Variants in CEP85L observed in about 807,000 individuals in gnomAD.
CEP85L encodes centrosomal protein of 85 kDa-like.
In CEP85L, 60 loss-of-function variants were observed where a neutral mutation model predicts 100.3. The observed-to-expected ratio is 0.60, with a 90% CI of 0.49 to 0.74. The LOEUF (loss-of-function observed/expected upper bound fraction) is 0.74. CEP85L is among the 30% of genes least tolerant of loss of function. CEP85L has a pLI of 0.00. For synonymous variants in CEP85L, 319 were observed against 322.7 expected (o/e 0.99, Z 0.12); for missense variants, 973 against 936.2 (o/e 1.04, Z -0.51).
chr6:118,563,621 T>G (rs1422601654), intron 3 of CEP85L, among the ~76,000 whole-genome samples: 1 of 152,128 alleles, frequency 6.6e-6, no homozygotes, highest in Admixed American at 6.5e-5. Context: ...GATTTTTATC[T>G]TTTTTCCTTT....
At chr6:118,645,122 T>C (rs927503850) in intron 1 of CEP85L, among the ~76,000 whole-genome samples, 2 of 152,234 alleles carry the variant, frequency 1.3e-5, no homozygotes, top group African/African-American at 4.8e-5. Context: ...CCAGACTCAC[T>C]GGAGTTCTTC....
chr6:118,624,855 C>CTCCAAG (rs1773681440), intron 2 of CEP85L, among the ~76,000 whole-genome samples: 1 of 152,244 alleles, frequency 6.6e-6, no homozygotes, highest in African/African-American at 2.4e-5. Flanking sequence ...CCATCTAACA[C>CTCCAAG]TCCAAGTCCA....
intron 10 of CEP85L, among the ~76,000 whole-genome samples, chr6:118,477,693 TA>T (rs1773487423): frequency 6.6e-6 from 1 of 152,132 alleles, no homozygotes; most frequent in South Asian, 2.1e-4. Flanking sequence ...AAAGAGGCAG[TA>T]ACACATGAAA....
At chr6:118,499,293 C>A (rs1260231385) in intron 5 of CEP85L, among the ~76,000 whole-genome samples, 3 of 152,300 alleles carry the variant, frequency 2.0e-5, no homozygotes, top group Admixed American at 6.5e-5. Context: ...TACTCCATCA[C>A]CAACAGGCTA....
chr6:118,540,067 T>C (rs775906346), intron 3 of CEP85L, among the ~76,000 whole-genome samples: 2 of 151,188 alleles, frequency 1.3e-5, no homozygotes, highest in Non-Finnish European at 3.0e-5. Context: ...TTTTTTTTTT[T>C]AAATCTCCAG....
intron 10 of CEP85L, among the ~76,000 whole-genome samples, chr6:118,479,469 A>T (rs767443141): frequency 6.6e-6 from 1 of 152,062 alleles, no homozygotes; most frequent in Non-Finnish European, 1.5e-5. Context: ...CTTCGTTCAG[A>T]TCCCTGTTCA....
At chr6:118,472,452 GATA>G (rs1773035304) in intron 10 of CEP85L, among the ~76,000 whole-genome samples, 2 of 152,238 alleles carry the variant, frequency 1.3e-5, no homozygotes, top group Non-Finnish European at 2.9e-5. Flanking sequence ...ATTGGTCTAG[GATA>G]ATACTAGGTA....
intron 3 of CEP85L, among the ~76,000 whole-genome samples, chr6:118,544,719 A>G (rs1014985525): frequency 8.5e-5 from 13 of 152,176 alleles, no homozygotes; most frequent in African/African-American, 3.1e-4. Flanking sequence ...TCTCCAGGTT[A>G]TCTGGCAAAT....
intron 3 of CEP85L, chr6:118,560,742 T>A (rs956019588): frequency 4.9e-5 from 8 of 162,926 alleles, no homozygotes; most frequent in African/African-American, 1.9e-4. Flanking sequence ...CAATTTCTCC[T>A]CTGACCATTT....
intron 3 of CEP85L, among the ~76,000 whole-genome samples, chr6:118,564,670 T>C (rs1210398240): frequency 3.3e-5 from 5 of 152,212 alleles, no homozygotes; most frequent in Non-Finnish European, 7.3e-5. Context: ...ATTTATTCTA[T>C]TTGTTTTTAT....
chr6:118,554,011 C>T (rs975009895), intron 3 of CEP85L, among the ~76,000 whole-genome samples: 25 of 152,088 alleles, frequency 1.6e-4, no homozygotes, highest in Non-Finnish European at 3.5e-4. Context: ...AATTGTTTAA[C>T]TTATTATTAA....
intron 1 of CEP85L, among the ~76,000 whole-genome samples, chr6:118,677,945 C>G (rs561387834): frequency 8.5e-5 from 13 of 152,314 alleles, no homozygotes; most frequent in African/African-American, 3.1e-4. Context: ...ATCTTGTCTT[C>G]AATTTTGCAC....
chr6:118,465,609 TG>T, intron 12 of CEP85L, 41 bp from the exon 13 acceptor site: 1 of 1,588,746 alleles, frequency 6.3e-7, no homozygotes, highest in Non-Finnish European at 8.6e-7. Flanking sequence ...CACATTTTTT[TG>T]AACAAAGACA....
intron 2 of CEP85L, among the ~76,000 whole-genome samples, chr6:118,599,711 G>A (rs1484641189): frequency 4.7e-5 from 7 of 150,466 alleles, no homozygotes; most frequent in South Asian, 2.1e-4. Flanking sequence ...TAATGATGTC[G>A]AATTATTATT....
intron 1 of CEP85L, among the ~76,000 whole-genome samples, chr6:118,699,170 G>A (rs1456544890): frequency 1.3e-5 from 2 of 152,082 alleles, no homozygotes; most frequent in East Asian, 1.9e-4. Context: ...AGGGCACCAT[G>A]GGCCAGGTGC....
chr6:118,686,395 C>G (rs184291196), intron 1 of CEP85L, among the ~76,000 whole-genome samples: 79 of 152,168 alleles, frequency 5.2e-4, no homozygotes, highest in African/African-American at 1.9e-3. Flanking sequence ...ACTCCCAGTC[C>G]CAGGCAATCA....
chr6:118,488,885 A>G (rs568979550), intron 6 of CEP85L, among the ~76,000 whole-genome samples: 3 of 152,234 alleles, frequency 2.0e-5, no homozygotes, highest in Non-Finnish European at 4.4e-5. Context: ...TTGCAGAGAA[A>G]GTGGGATGAT....
At chr6:118,518,689 A>C (rs1162452137) in intron 4 of CEP85L, among the ~76,000 whole-genome samples, 1 of 152,100 alleles carries the variant, frequency 6.6e-6, no homozygotes, top group Non-Finnish European at 1.5e-5. Context: ...CACCTCCTGG[A>C]TTCATTAATA....
At chr6:118,511,510 T>G in intron 4 of CEP85L, 95 bp from the exon 5 acceptor site, 1 of 724,178 alleles carries the variant, frequency 1.4e-6, no homozygotes, top group Non-Finnish European at 2.3e-6. Context: ...TCCTTTAATA[T>G]TCCTCTTAGA....
Sources: allele counts gnomAD v4.1 joint callset (sites outside exome capture counted in the v4.1 genomes callset), GRCh38; gene constraint gnomAD v4.1.1; transcripts MANE v1.5; gene names NCBI Gene and HGNC (gene_info 2026-07-23, HGNC 2026-07-21).